Variants in OTUD7A observed in about 807,000 individuals in gnomAD.
The protein encoded by OTUD7A is OTU domain-containing protein 7A.
OTUD7A carries 12 observed loss-of-function variants against 65.7 expected under a neutral mutation model. The observed-to-expected ratio is 0.18, with a 90% CI of 0.12 to 0.30. The LOEUF (loss-of-function observed/expected upper bound fraction) is 0.30, where lower values mean the gene tolerates loss of function less well. Among genes scored for constraint, OTUD7A ranks in the 10% least tolerant of loss-of-function variants. The pLI, the probability that OTUD7A is intolerant of heterozygous loss-of-function variation, is 1.00. For synonymous variants in OTUD7A, 641 were observed against 586.3 expected, an observed-to-expected ratio of 1.09 and a Z score of -1.35; for missense variants, 1,148 against 1,304.8, an observed-to-expected ratio of 0.88 and a Z score of 1.85.
chr15:31,815,111 C>T (rs538426688), intron 1 of OTUD7A, among the ~76,000 whole-genome samples: 1 of 152,296 alleles, frequency 6.6e-6, no homozygotes, highest in South Asian at 2.1e-4. Flanking sequence ...AACTCCCCAG[C>T]CCTTCTGCTG....
In OTUD7A at chr15:31,539,510, G is replaced by A. The variant is rs558308849; in HGVS notation, c.551-8702C>T. ...TTTTCATGAAAAACAAAAGAAGAGA[G>A]AATGTTTTTCAAAAAGTGCATAAAG... On this transcript the variant is annotated intron_variant, in intron 5 of 12. Coordinates refer to ENST00000307050, the MANE Select transcript of OTUD7A (RefSeq NM_001382637.1). Among the ~76,000 whole-genome samples the A allele has an allele frequency of 9.2e-5, 14 of 152,246 alleles. No homozygotes were observed. The East Asian group carries it at 2.3e-3, about 25-fold the overall frequency.
At chr15:31,758,233 C>T (rs917848228) in intron 1 of OTUD7A, among the ~76,000 whole-genome samples, 4 of 152,088 alleles carry the variant, frequency 2.6e-5, no homozygotes, top group East Asian at 1.9e-4. Flanking sequence ...GAAATACCAA[C>T]ATGTCTGTCA....
chr15:31,808,098 A>AACACACAC (rs55911531), intron 1 of OTUD7A, among the ~76,000 whole-genome samples: 14,548 of 95,666 alleles, frequency 0.15, 1,037 homozygotes, highest in Middle Eastern at 0.27. Flanking sequence ...ACAAATGCCA[A>AACACACAC]ACACACACAC....
chr15:31,673,603 C>T (rs1892532828), intron 1 of OTUD7A, among the ~76,000 whole-genome samples: 1 of 146,394 alleles, frequency 6.8e-6, no homozygotes, highest in Non-Finnish European at 1.5e-5. Context: ...CTAGCTGTTA[C>T]ACTGGCATAA....
chr15:31,545,388 T>C (rs1474167680), intron 5 of OTUD7A, among the ~76,000 whole-genome samples: 1 of 151,958 alleles, frequency 6.6e-6, no homozygotes, highest in Non-Finnish European at 1.5e-5. Flanking sequence ...ATAGAGGCTC[T>C]CAAGTAAGGG....
intron 1 of OTUD7A, among the ~76,000 whole-genome samples, chr15:31,838,246 T>A (rs945491218): frequency 6.6e-6 from 1 of 152,252 alleles, no homozygotes; most frequent in African/African-American, 2.4e-5. Flanking sequence ...TCACTTTTTT[T>A]AAAAGTACGT....
chr15:31,615,439 T>C (rs927427590), intron 3 of OTUD7A, among the ~76,000 whole-genome samples: 2 of 152,158 alleles, frequency 1.3e-5, no homozygotes, highest in Non-Finnish European at 2.9e-5. Context: ...TATTCTTAAC[T>C]TCAAATTATA....
chr15:31,796,129 C>T (rs1226937520), intron 1 of OTUD7A, among the ~76,000 whole-genome samples: 2 of 121,392 alleles, frequency 1.6e-5, no homozygotes, highest in African/African-American at 3.0e-5. Context: ...AGAAGCAGAA[C>T]CAGTAAGGGG....
At chr15:31,646,764 G>A (rs575065000) in intron 3 of OTUD7A, among the ~76,000 whole-genome samples, 10 of 152,216 alleles carry the variant, frequency 6.6e-5, no homozygotes, top group South Asian at 2.1e-4. Context: ...TGGCCAAAGT[G>A]TTTAATTTTA....
chr15:31,612,005 T>C (rs560978064), intron 3 of OTUD7A, among the ~76,000 whole-genome samples: 1 of 152,328 alleles, frequency 6.6e-6, no homozygotes, highest in Admixed American at 6.5e-5. Context: ...CATATGCAAG[T>C]TGATAAATGT....
intron 1 of OTUD7A, among the ~76,000 whole-genome samples, chr15:31,659,495 C>T (rs1429989121): frequency 2.0e-5 from 3 of 152,160 alleles, no homozygotes; most frequent in African/African-American, 4.8e-5. Flanking sequence ...ACTCAGGAAT[C>T]GACATAAACA....
chr15:31,769,881 T>G (rs1895188268), intron 1 of OTUD7A, among the ~76,000 whole-genome samples: 1 of 152,200 alleles, frequency 6.6e-6, no homozygotes, highest in Admixed American at 6.5e-5. Context: ...TTCTGCACAC[T>G]GATTGTGATA....
chr15:31,629,935 G>C (rs1162615590), intron 3 of OTUD7A, among the ~76,000 whole-genome samples: 1 of 152,096 alleles, frequency 6.6e-6, no homozygotes, highest in African/African-American at 2.4e-5. Context: ...GATCAGTGGT[G>C]ATATCCCCTT....
At chr15:31,589,546 G>A (rs1257174714) in intron 3 of OTUD7A, among the ~76,000 whole-genome samples, 1 of 145,750 alleles carries the variant, frequency 6.9e-6, no homozygotes, top group African/African-American at 2.6e-5. Flanking sequence ...CAAGGGATCT[G>A]CCTACCTCGG....
intron 1 of OTUD7A, among the ~76,000 whole-genome samples, chr15:31,664,901 T>G (rs1221136328): frequency 6.6e-6 from 1 of 152,192 alleles, no homozygotes; most frequent in Non-Finnish European, 1.5e-5. Flanking sequence ...CCAGCATCGT[T>G]TGCTCAAAAG....
At chr15:31,601,494 C>T (rs1047075055) in intron 3 of OTUD7A, among the ~76,000 whole-genome samples, 1 of 152,074 alleles carries the variant, frequency 6.6e-6, no homozygotes, top group Admixed American at 6.5e-5. Flanking sequence ...TAAATGCCCA[C>T]AAGAGAAAGC....
At chr15:31,499,482 C>T (rs570902592) in intron 10 of OTUD7A, among the ~76,000 whole-genome samples, 1 of 152,338 alleles carries the variant, frequency 6.6e-6, no homozygotes, top group African/African-American at 2.4e-5. Context: ...ATCCTGGAAG[C>T]TGCAGCCTCA....
In OTUD7A at chr15:31,484,782, A is replaced by G; in HGVS notation, c.1372-58T>C. 6.5e-7 allele frequency: 1 copy of G among 1,549,706 alleles called. No individual in the cohort carries two copies. The highest frequency in any genetic ancestry group is 2.3e-5 in the East Asian group (1 of 43,078). On this transcript the variant is annotated intron_variant, in intron 12 of 12. Coordinates refer to ENST00000307050, the MANE Select transcript of OTUD7A (RefSeq NM_001382637.1). This position sits in a 1 kb window ranked among gnomAD's most constrained non-coding sequence, Gnocchi z 4.5. ...GTTAGAGAAGAGCTGTCCACGCGCC[A>G]GCGAGGAAGACACACCTTGCCCCTG...
At chr15:31,773,387 T>A (rs1346549779) in intron 1 of OTUD7A, among the ~76,000 whole-genome samples, 1 of 152,194 alleles carries the variant, frequency 6.6e-6, no homozygotes, top group African/African-American at 2.4e-5. Context: ...GCAGATTCCA[T>A]GTCTGATAAG....
Sources: gnomAD v4.1 joint callset for allele counts (sites outside exome capture counted in the v4.1 genomes callset) on GRCh38, gnomAD v4.1.1 for gene constraint, Gnocchi (gnomAD v3.1) non-coding constraint, MANE v1.5 for transcripts, NCBI Gene and HGNC (gene_info 2026-07-23, HGNC 2026-07-21) for gene names.